The following SFMBT2 variants were observed in gnomAD, a reference collection of about 807,000 sequenced individuals.
SFMBT2 encodes the protein scm-like with four MBT domains protein 2.
Under a neutral mutation model 110.1 loss-of-function variants are expected in SFMBT2, and 38 were observed. The observed-to-expected ratio is 0.35, with a 90% CI of 0.27 to 0.45. The LOEUF (loss-of-function observed/expected upper bound fraction) is 0.45. Ranked by LOEUF, SFMBT2 falls within the 20% of genes least tolerant of loss-of-function variation. The pLI is 1.00. For synonymous variants in SFMBT2, 425 were observed against 425.4 expected (o/e 1.00, Z 0.01); for missense variants, 1,011 against 1,094.9 (o/e 0.92, Z 1.08).
At chr10:7,391,965 A>G (rs1347287909) in intron 1 of SFMBT2, among the ~76,000 whole-genome samples, 2 of 152,244 alleles carry the variant, frequency 1.3e-5, no homozygotes, top group Non-Finnish European at 2.9e-5. Context: ...GCTGCCGCCC[A>G]TTAAAGCTGT....
At chr10:7,298,541 C>T (rs1341133381) in intron 4 of SFMBT2, among the ~76,000 whole-genome samples, 2 of 152,160 alleles carry the variant, frequency 1.3e-5, no homozygotes, top group African/African-American at 2.4e-5. Flanking sequence ...CTGGGATGGA[C>T]GCCCCAGGGA....
At chr10:7,255,121 T>C (rs750196392) in intron 7 of SFMBT2, among the ~76,000 whole-genome samples, 1 of 152,178 alleles carries the variant, frequency 6.6e-6, no homozygotes, top group East Asian at 1.9e-4. Flanking sequence ...CCACTTACTT[T>C]GGGCTGTTAA....
At position 7,220,493 on chromosome 10, in the gene SFMBT2, A is replaced by G. The variant is rs1036890334; in HGVS notation, c.1248T>C (p.Ala416=). The G allele has an allele frequency of 6.2e-7, 1 of 1,614,024 alleles. No homozygotes were observed. Among genetic ancestry groups the G allele is most frequent in the African/African-American group, 1.3e-5 (1 of 74,930 alleles). Residue 416 remains alanine, a synonymous_variant, in exon 11 of 21, where the codon GCT becomes GCC. Coordinates refer to ENST00000397167, the MANE Select transcript of SFMBT2 (RefSeq NM_001387889.1). ...GTTCTCCTGGATTCCTGGGGTTCAC[A>G]GCTTCAAGTTTCATGTTCTTTGTGA... ...RGFTKNMKLE[A]VNPRNPGELC... is the part of the protein sequence containing the mutation.
In SFMBT2 at chr10:7,161,108, G is replaced by C. The variant is rs1025889014; in HGVS notation, c.*2662C>G. The C allele has an allele frequency of 2.0e-5, 3 of 152,294 alleles. No homozygotes were observed. Among genetic ancestry groups the C allele is most frequent in the Admixed American group, 2.0e-4 (3 of 15,290 alleles). The allele number at this position is 152,294 out of a possible 1,614,324, so 9.4% of individuals were successfully genotyped here. ...ACTGTCAGGGTGAAGGATACGGAGAGTCTTGGGCGCTTGGCTCCACGGGAA... is the reference window on the plus strand; with the variant it reads ...ACTGTCAGGGTGAAGGATACGGAGACTCTTGGGCGCTTGGCTCCACGGGAA... On this transcript the variant is annotated 3_prime_UTR_variant, in exon 21 of 21. Coordinates refer to ENST00000397167, the MANE Select transcript of SFMBT2 (RefSeq NM_001387889.1).
intron 9 of SFMBT2, among the ~76,000 whole-genome samples, chr10:7,233,124 A>C (rs1289332468): frequency 6.6e-6 from 1 of 152,266 alleles, no homozygotes; most frequent in African/African-American, 2.4e-5. Context: ...CTTAATAAAA[A>C]ATAAAAATAG....
intron 10 of SFMBT2, 130 bp downstream of exon 10, chr10:7,227,723 TAC>T (rs1839936365): frequency 2.7e-6 from 2 of 733,642 alleles, no homozygotes; most frequent in African/African-American, 3.6e-5. Context: ...TTCCAAAAAC[TAC>T]AGACATTTTG....
chr10:7,197,801 C>A (rs149659014), intron 14 of SFMBT2, 114 bp from the exon 15 acceptor site: 2 of 1,391,838 alleles, frequency 1.4e-6, no homozygotes, highest in Non-Finnish European at 9.4e-7. Flanking sequence ...CAGAGCTGTC[C>A]GAGGTCTTGG....
intron 7 of SFMBT2, among the ~76,000 whole-genome samples, chr10:7,261,280 C>A (rs149802376): frequency 1.3e-5 from 2 of 152,288 alleles, no homozygotes; most frequent in African/African-American, 4.8e-5. Context: ...GTTTTTCCTT[C>A]GTACCTTTTT....
intron 4 of SFMBT2, among the ~76,000 whole-genome samples, chr10:7,313,597 CCGCA>C (rs1290097504): frequency 1.3e-5 from 2 of 152,214 alleles, no homozygotes; most frequent in Non-Finnish European, 2.9e-5. Context: ...GCATGAGCTA[CCGCA>C]CCCAGCCAAA....
chr10:7,235,216 T>TA (rs1840218793), intron 9 of SFMBT2, among the ~76,000 whole-genome samples: 1 of 151,910 alleles, frequency 6.6e-6, no homozygotes, highest in African/African-American at 2.4e-5. Flanking sequence ...CAAAAGAGAT[T>TA]AAAAAAATAC....
At chr10:7,304,605 G>A (rs947262212) in intron 4 of SFMBT2, among the ~76,000 whole-genome samples, 2 of 152,208 alleles carry the variant, frequency 1.3e-5, no homozygotes, top group Non-Finnish European at 2.9e-5. Context: ...ATAGCTCAGT[G>A]AGGAATGGCT....
chr10:7,243,549 A>G lies in SFMBT2; in HGVS notation c.1120+9T>C. 1 of 872,586 alleles carries G rather than the reference A, an allele frequency of 1.1e-6. No homozygotes were observed. Among genetic ancestry groups the G allele is most frequent in the Non-Finnish European group, 2.0e-6 (1 of 501,562 alleles). 54.1% of individuals were successfully genotyped at this position (872,586 alleles called of 1,614,324 possible). ...CTCCAGACCCTGCATACCTTCACAGAATACAAACCTTTGGGAGGAGTGAGG... is the reference window on the plus strand; with the variant it reads ...CTCCAGACCCTGCATACCTTCACAGGATACAAACCTTTGGGAGGAGTGAGG... On this transcript the variant is annotated intron_variant, in intron 9 of 20. Transcript: ENST00000397167.
chr10:7,284,147 G>A lies in SFMBT2; in HGVS notation c.529C>T (p.Leu177=). The part of the protein sequence containing the change: ...TAPANLLEGP[L]RGKGPIDLIT... Reference sequence around the variant, plus strand: ...AGGTCTATAGGGCCTTTCCCTCGCAGAGGCTGTTTAAACAGAAGCAAAACT... The same window carrying A: ...AGGTCTATAGGGCCTTTCCCTCGCAAAGGCTGTTTAAACAGAAGCAAAACT... The change falls in exon 6 of 21, where the codon CTG becomes TTG. Residue 177 remains leucine, a synonymous_variant. Coordinates refer to ENST00000397167, the MANE Select transcript of SFMBT2 (RefSeq NM_001387889.1). 2 of 1,612,898 alleles carry A rather than the reference G, an allele frequency of 1.2e-6. No homozygotes were observed. The highest frequency in any genetic ancestry group is 1.7e-6 in the Non-Finnish European group (2 of 1,179,664).
chr10:7,189,106 C>A, intron 15 of SFMBT2: 1 of 959,986 alleles, frequency 1.0e-6, no homozygotes, highest in Non-Finnish European at 1.2e-6. Flanking sequence ...GAATTTCATT[C>A]TATTTTTACA....
intron 4 of SFMBT2, among the ~76,000 whole-genome samples, chr10:7,287,196 C>T (rs1842118288): frequency 6.6e-6 from 1 of 151,338 alleles, no homozygotes; most frequent in African/African-American, 2.4e-5. Flanking sequence ...TCTCCTGCCT[C>T]AGCCTCCCGA....
chr10:7,336,073 A>G (rs1041360739), intron 4 of SFMBT2, among the ~76,000 whole-genome samples: 1 of 152,246 alleles, frequency 6.6e-6, no homozygotes, highest in Admixed American at 6.5e-5. Flanking sequence ...ATTTCCACCC[A>G]TCTTAACTCA....
intron 4 of SFMBT2, among the ~76,000 whole-genome samples, chr10:7,342,963 T>C (rs1230933403): frequency 6.6e-6 from 1 of 152,242 alleles, no homozygotes; most frequent in Non-Finnish European, 1.5e-5. Context: ...AGTAATTTGA[T>C]GTACAGATAA....
chr10:7,169,539 G>A (rs1837808175), intron 20 of SFMBT2, among the ~76,000 whole-genome samples: 1 of 152,042 alleles, frequency 6.6e-6, no homozygotes, highest in African/African-American at 2.4e-5. Flanking sequence ...CTAGACTACT[G>A]ATTTATATGA....
At chr10:7,225,510 T>C (rs1174025500) in intron 10 of SFMBT2, among the ~76,000 whole-genome samples, 3 of 152,164 alleles carry the variant, frequency 2.0e-5, no homozygotes, top group Non-Finnish European at 2.9e-5. Context: ...ATCTATTACA[T>C]AAACGGAGTG....
Sources: gnomAD v4.1 joint callset for allele counts (sites outside exome capture counted in the v4.1 genomes callset) on GRCh38, gnomAD v4.1.1 for gene constraint, MANE v1.5 for transcripts, NCBI Gene and HGNC (gene_info 2026-07-23, HGNC 2026-07-21) for gene names.